The following ABHD3 variants were observed in gnomAD, a reference collection of about 807,000 sequenced individuals.
ABHD3 encodes the protein abhydrolase domain containing 3, phospholipase.
A neutral mutation model predicts 48.8 loss-of-function variants in ABHD3; 46 were observed. The ratio of observed to expected loss-of-function variants is 0.94; its 90% CI spans 0.74 to 1.20. The LOEUF (loss-of-function observed/expected upper bound fraction) is 1.20. Among genes scored for constraint, ABHD3 ranks in the 50% most tolerant of loss-of-function variants. The probability of loss-of-function intolerance (pLI) is 0.00; values close to 1 mark genes in which losing one functional copy is unlikely to be tolerated. For missense variants in ABHD3, 490 were observed against 497.8 expected (o/e 0.98, Z 0.15); for synonymous variants, 192 against 183.7 (o/e 1.04, Z -0.36).
intron 6 of ABHD3, among the ~76,000 whole-genome samples, chr18:21,657,513 G>T (rs1340387329): frequency 6.6e-6 from 1 of 151,466 alleles, no homozygotes; most frequent in Non-Finnish European, 1.5e-5. Flanking sequence ...CAATTTTGTG[G>T]GTTTTTTTTT....
Position 21,650,952 on chromosome 18 carries a change from T to C in ABHD3, c.*639A>G, listed in dbSNP as rs1171241541. On this transcript the variant is annotated 3_prime_UTR_variant, in exon 9 of 9. Coordinates refer to ENST00000289119, the MANE Select transcript of ABHD3 (RefSeq NM_138340.5). ...ATAATGATATATATGTGTCCACATA[T>C]ACTATTTTAAAAATAAGCATGTAAA... 1 of 152,176 alleles carries C rather than the reference T, an allele frequency of 6.6e-6. No individual in the cohort carries two copies. Among genetic ancestry groups the C allele is most frequent in the African/African-American group, 2.4e-5 (1 of 41,466 alleles). 9.4% of individuals were successfully genotyped at this position (152,176 alleles called of 1,614,324 possible). A position where few individuals can be genotyped will look rare whatever the true frequency, so the allele number is the denominator to read the frequency against.
chr18:21,699,524 G>C (rs1325215341), intron 3 of ABHD3, among the ~76,000 whole-genome samples: 1 of 152,028 alleles, frequency 6.6e-6, no homozygotes, highest in African/African-American at 2.4e-5. Context: ...TTCTGTGGTA[G>C]GTTGCAAAAA....
Position 21,683,945 on chromosome 18 carries a change from C to A in ABHD3, c.530G>T (p.Arg177Ile). Residue 177 changes from arginine to isoleucine, a missense_variant, in exon 4 of 9, where the codon AGA becomes ATA. Coordinates refer to ENST00000289119, the MANE Select transcript of ABHD3 (RefSeq NM_138340.5). ...CAAGAGATTCTCCCCCGCCACTCCT[C>A]TGTTGTTAAAAACCACACATCTAAA... ...LGYRCVVFNN[R>I]GVAGENLLTP... The A allele has an allele frequency of 6.2e-7, 1 of 1,601,538 alleles. No individual in the cohort carries two copies. Among genetic ancestry groups the A allele is most frequent in the South Asian group, 1.1e-5 (1 of 88,670 alleles).
In ABHD3 at chr18:21,704,616, A is replaced by G. The variant is rs370963543; in HGVS notation, c.50T>C (p.Leu17Pro). The change falls in exon 1 of 9, where the codon CTC becomes CCC. Residue 17 changes from leucine to proline, a missense_variant. Leu to Pro is a moderately conservative substitution (Grantham distance 98). Transcript: ENST00000289119. ...DLRMLSRELS[L>P]YLEHQVRVGF... ...CACCCGGACTTGGTGTTCCAGGTAGAGGGAGAGCTCCCGGGACAACATCCG... is the reference window on the plus strand; with the variant it reads ...CACCCGGACTTGGTGTTCCAGGTAGGGGGAGAGCTCCCGGGACAACATCCG... 1.9e-6 allele frequency: 3 copies of G among 1,551,976 alleles called. No homozygotes were observed. Among genetic ancestry groups the G allele is most frequent in the African/African-American group, 1.4e-5 (1 of 69,228 alleles).
chr18:21,703,335 C>T (rs2040557868), intron 2 of ABHD3, among the ~76,000 whole-genome samples: 4 of 151,072 alleles, frequency 2.6e-5, no homozygotes, highest in Admixed American at 2.0e-4. Context: ...ACACTTCTCT[C>T]ATCCTAAAAA....
intron 4 of ABHD3, among the ~76,000 whole-genome samples, chr18:21,672,540 C>G (rs11659365): frequency 0.15 from 22,772 of 152,134 alleles, 2,009 homozygotes; most frequent in Middle Eastern, 0.28. Flanking sequence ...GATTTGCACT[C>G]AAATATTGGA....
chr18:21,651,380 A>C lies in ABHD3; in HGVS notation c.*211T>G. ...TACTTGGTAAGGCATAGTAAAAATA[A>C]AATCTACGTAAGTAACAATCTAATA... On this transcript the variant is annotated 3_prime_UTR_variant, in exon 9 of 9. Transcript: ENST00000289119. 1 of 420,606 alleles carries C rather than the reference A, an allele frequency of 2.4e-6. No homozygotes were observed. Among genetic ancestry groups the C allele is most frequent in the Non-Finnish European group, 4.1e-6 (1 of 243,656 alleles). The allele number at this position is 420,606 out of a possible 1,614,324, so 26.1% of individuals were successfully genotyped here.
At chr18:21,687,641 A>T (rs908519050) in intron 3 of ABHD3, among the ~76,000 whole-genome samples, 2 of 152,186 alleles carry the variant, frequency 1.3e-5, no homozygotes, top group African/African-American at 4.8e-5. Context: ...GAACTATATA[A>T]TTTTTTTCCC....
chr18:21,678,460 C>A (rs911253372), intron 4 of ABHD3, among the ~76,000 whole-genome samples: 1 of 151,956 alleles, frequency 6.6e-6, no homozygotes, highest in African/African-American at 2.4e-5. Flanking sequence ...TACATAGGAT[C>A]TATAATTTTA....
intron 4 of ABHD3, among the ~76,000 whole-genome samples, chr18:21,680,715 AAT>A (rs1568152566): frequency 6.6e-6 from 1 of 152,144 alleles, no homozygotes; most frequent in Non-Finnish European, 1.5e-5. Flanking sequence ...ATGGGCTGAA[AAT>A]TACTGGGTTG....
At chr18:21,691,308 C>T (rs928357089) in intron 3 of ABHD3, among the ~76,000 whole-genome samples, 4 of 152,150 alleles carry the variant, frequency 2.6e-5, no homozygotes, top group Admixed American at 2.0e-4. Context: ...TGGAGAAACA[C>T]AAAATCTACA....
At chr18:21,685,589 C>T (rs1044660119) in intron 3 of ABHD3, among the ~76,000 whole-genome samples, 4 of 152,202 alleles carry the variant, frequency 2.6e-5, no homozygotes, top group African/African-American at 9.6e-5. Flanking sequence ...AGTGCGGTGG[C>T]GCGGTCACAG....
chr18:21,682,712 T>G (rs968824810), intron 4 of ABHD3, among the ~76,000 whole-genome samples: 15 of 152,192 alleles, frequency 9.9e-5, no homozygotes, highest in African/African-American at 3.4e-4. Context: ...GCACATTATT[T>G]CCTTGAGAGC....
In ABHD3 at chr18:21,702,297, A is replaced by AG; in HGVS notation, c.509+18dup. The AG allele has an allele frequency of 6.5e-7, 1 of 1,545,334 alleles. No individual in the cohort carries two copies. The highest frequency in any genetic ancestry group is 8.8e-7 in the Non-Finnish European group (1 of 1,141,822). On this transcript the variant is annotated intron_variant, in intron 3 of 8. Transcript: ENST00000289119. Reference sequence around the variant, plus strand: ...TTTGGAATGGATCAAGTGAAAAAAAAGAAATCTTTTACTGGTACCTGTATC... The same window carrying AG: ...TTTGGAATGGATCAAGTGAAAAAAAAGGAAATCTTTTACTGGTACCTGTATC...
intron 4 of ABHD3, among the ~76,000 whole-genome samples, chr18:21,667,870 C>T (rs958281017): frequency 6.6e-6 from 1 of 151,724 alleles, no homozygotes; most frequent in Non-Finnish European, 1.5e-5. Flanking sequence ...TCACAAGGGG[C>T]GGGGGGCACA....
At chr18:21,651,872 GA>G in intron 8 of ABHD3, 109 bp from the exon 9 acceptor site, 1 of 996,128 alleles carries the variant, frequency 1.0e-6, no homozygotes, top group Non-Finnish European at 1.4e-6. Context: ...CTAATAAACA[GA>G]AATCAAAACA....
At position 21,683,284 on chromosome 18, in the gene ABHD3, G is replaced by A. The variant is rs2040048964; in HGVS notation, c.555+636C>T. ...GATCAGATAGAGTGATTTTCTAAGAGGTGAAAGATCTATCCTAGCAAAAAC... is the reference window on the plus strand; with the variant it reads ...GATCAGATAGAGTGATTTTCTAAGAAGTGAAAGATCTATCCTAGCAAAAAC... On this transcript the variant is annotated intron_variant, in intron 4 of 8. Transcript: ENST00000289119. Among the ~76,000 whole-genome samples, 5 of 152,174 alleles carry A rather than the reference G, an allele frequency of 3.3e-5. No homozygotes were observed. The South Asian group carries it at 1.0e-3, about 32-fold the overall frequency.
rs1378515940 is a variant in ABHD3 at position 21,689,931 on chromosome 18, C to G, written c.510-5966G>C. Among the ~76,000 whole-genome samples, 4 of 152,086 alleles carry G rather than the reference C, an allele frequency of 2.6e-5. No homozygotes were observed. In the East Asian group the frequency reaches 7.7e-4, roughly 29 times the overall value. On this transcript the variant is annotated intron_variant, in intron 3 of 8. Coordinates refer to ENST00000289119, the MANE Select transcript of ABHD3 (RefSeq NM_138340.5). ...AATCCAGAGTCTCTACAATGGATCA[C>G]TCAAACTGTCCAGAACACAACCCCA...
At position 21,651,522 on chromosome 18, in the gene ABHD3, A is replaced by G; in HGVS notation, c.*69T>C. Reference sequence around the variant, plus strand: ...TATTTGCTTTATATACAACAGTTAAAATTTGTGCACTAAGCTGAGCTGCCT... The same window carrying G: ...TATTTGCTTTATATACAACAGTTAAGATTTGTGCACTAAGCTGAGCTGCCT... On this transcript the variant is annotated 3_prime_UTR_variant, in exon 9 of 9. Transcript: ENST00000289119. 6.3e-7 allele frequency: 1 copy of G among 1,580,668 alleles called. No individual in the cohort carries two copies. The highest frequency in any genetic ancestry group is 2.3e-5 in the East Asian group (1 of 44,228).
Sources: allele counts gnomAD v4.1 joint callset (sites outside exome capture counted in the v4.1 genomes callset), GRCh38; gene constraint gnomAD v4.1.1; transcripts MANE v1.5; gene names NCBI Gene and HGNC (gene_info 2026-07-23, HGNC 2026-07-21).